The following SMARCD3 variants were observed in gnomAD, a reference collection of about 807,000 sequenced individuals.
The protein encoded by SMARCD3 is SWI/SNF related BAF chromatin remodeling complex subunit D3.
A neutral mutation model predicts 58.0 loss-of-function variants in SMARCD3; 14 were observed. The ratio of observed to expected loss-of-function variants is 0.24; its 90% CI spans 0.16 to 0.38. SMARCD3 has a LOEUF of 0.38. Among genes scored for constraint, SMARCD3 ranks in the 10% least tolerant of loss-of-function variants. The probability of loss-of-function intolerance (pLI) is 1.00; values close to 1 mark genes in which losing one functional copy is unlikely to be tolerated. For missense variants in SMARCD3, 408 were observed against 636.9 expected, an observed-to-expected ratio of 0.64 and a Z score of 3.87; for synonymous variants, 253 against 253.8, an observed-to-expected ratio of 1.00 and a Z score of 0.03.
At chr7:151,262,119 G>T (rs1332580903) in intron 2 of SMARCD3, among the ~76,000 whole-genome samples, 9 of 150,776 alleles carry the variant, frequency 6.0e-5, no homozygotes, top group African/African-American at 2.2e-4. Context: ...ACAGGGTTTT[G>T]CTCTGTCGTC....
chr7:151,270,786 G>T (rs1795152041), intron 2 of SMARCD3, among the ~76,000 whole-genome samples: 1 of 152,304 alleles, frequency 6.6e-6, no homozygotes, highest in East Asian at 1.9e-4. Context: ...TACTGTGCTG[G>T]GCCGGGGTCT....
Position 151,242,041 on chromosome 7 carries a change from C to G in SMARCD3, c.676-63G>C, listed in dbSNP as rs540732136. Reference sequence around the variant, plus strand: ...ATCTGGAGTGGTGGGGCCCAGGACTCTAGGGTGGTCCCTGACCCAAATCTG... The same window carrying G: ...ATCTGGAGTGGTGGGGCCCAGGACTGTAGGGTGGTCCCTGACCCAAATCTG... On this transcript the variant is annotated intron_variant, in intron 6 of 12. Coordinates refer to ENST00000262188, the MANE Select transcript of SMARCD3 (RefSeq NM_001003801.2). The surrounding 1 kb of genome is among the most constrained non-coding windows in gnomAD (Gnocchi z 4.7). 4 of 1,552,718 alleles carry G rather than the reference C, an allele frequency of 2.6e-6. No homozygotes were observed. The African/African-American group carries it at 5.4e-5, about 21-fold the overall frequency.
At chr7:151,259,393 C>CTGTGTGTG (rs758652327) in intron 2 of SMARCD3, among the ~76,000 whole-genome samples, 11,995 of 135,848 alleles carry the variant, frequency 0.088, 698 homozygotes, top group Non-Finnish European at 0.12. Context: ...AAGGTAGGGG[C>CTGTGTGTG]TGTGTGTGTG....
chr7:151,242,454 C>A lies in SMARCD3; in HGVS notation c.579+27G>T. 1 of 1,609,830 alleles carries A rather than the reference C, an allele frequency of 6.2e-7. No individual in the cohort carries two copies. The highest frequency in any genetic ancestry group is 8.5e-7 in the Non-Finnish European group (1 of 1,178,890). ...TGCAGCCCATGCCCACCCCAGGACA[C>A]CTGGAGAGACCTGGGCCGGGACGTA... On this transcript the variant is annotated intron_variant, in intron 5 of 12. Transcript: ENST00000262188. The surrounding 1 kb of genome is among the most constrained non-coding windows in gnomAD (Gnocchi z 4.7).
In SMARCD3 at chr7:151,245,827, G is replaced by A. The variant is rs1277272775; in HGVS notation, c.79-156C>T. Reference sequence around the variant, plus strand: ...GATGGGTGGGAGCGATGGGTAGGAGGGGCAGGGGCGCCGGAATCTGCGCGG... The same window carrying A: ...GATGGGTGGGAGCGATGGGTAGGAGAGGCAGGGGCGCCGGAATCTGCGCGG... On this transcript the variant is annotated intron_variant, in intron 1 of 12. Transcript: ENST00000262188. The surrounding 1 kb of genome is among the most constrained non-coding windows in gnomAD (Gnocchi z 6.2). Among the ~76,000 whole-genome samples the A allele has an allele frequency of 6.6e-6, 1 of 152,216 alleles. No homozygotes were observed. The highest frequency in any genetic ancestry group is 1.5e-5 in the Non-Finnish European group (1 of 68,022).
In SMARCD3 at chr7:151,245,686, G is replaced by A. The variant is rs940456405; in HGVS notation, c.79-15C>T. 2.4e-6 allele frequency: 2 copies of A among 827,756 alleles called. No individual in the cohort carries two copies. The highest frequency in any genetic ancestry group is 3.5e-5 in the African/African-American group (2 of 56,808). The allele number at this position is 827,756 out of a possible 1,614,324, so 51.3% of individuals were successfully genotyped here. The stretch of plus-strand genomic sequence containing the variant: ...ATCCCGGGGCGCTGGGGGTGGGCGG[G>A]GGTGAAGCAGAAACGGGCGCCCGTG... On this transcript the variant is annotated splice_polypyrimidine_tract_variant and intron_variant, in intron 1 of 12. Coordinates refer to ENST00000262188, the MANE Select transcript of SMARCD3 (RefSeq NM_001003801.2). The surrounding 1 kb of genome is among the most constrained non-coding windows in gnomAD (Gnocchi z 6.2).
chr7:151,240,241 G>A lies in SMARCD3; in HGVS notation c.1044C>T (p.Asp348=), dbSNP rs1188394477. The A allele has an allele frequency of 6.2e-7, 1 of 1,613,972 alleles. No individual in the cohort carries two copies. Among genetic ancestry groups the A allele is most frequent in the Non-Finnish European group, 8.5e-7 (1 of 1,179,948 alleles). ...ACGCCGTCTTCTTCTGGTCTGAAGG[G>A]TCCACGCTGCCAGGGAAGTCCAGCC... is the stretch of plus-strand genomic sequence containing the variant. ...PIVINHVISV[D]PSDQKKTACY... Residue 348 remains aspartate (D), a synonymous_variant, in exon 10 of 13, where the codon GAC becomes GAT. Transcript: ENST00000262188.
At chr7:151,252,282 G>A (rs1343597388), upstream of SMARCD3, among the ~76,000 whole-genome samples, 1 of 152,138 alleles carries the variant, frequency 6.6e-6, no homozygotes, top group Non-Finnish European at 1.5e-5. Flanking sequence ...AGGGAAGGGA[G>A]GAACAAAGGA....
chr7:151,248,571 G>A lies in SMARCD3; in HGVS notation c.-9C>T. On this transcript the variant is annotated 5_prime_UTR_variant, in exon 1 of 13. Coordinates refer to ENST00000262188, the MANE Select transcript of SMARCD3 (RefSeq NM_001003801.2). The surrounding 1 kb of genome is among the most constrained non-coding windows in gnomAD (Gnocchi z 6.1). ...ACTTCGTCCGCGGCCATCGGGGTGG[G>A]CTCAGCGGCTCCTCTCACTCTCTCT... is the stretch of plus-strand genomic sequence containing the variant. 5.6e-6 allele frequency: 9 copies of A among 1,613,562 alleles called. No homozygotes were observed. Among genetic ancestry groups the A allele is most frequent in the Non-Finnish European group, 7.6e-6 (9 of 1,179,688 alleles).
At chr7:151,268,895 C>A (rs922310824) in intron 2 of SMARCD3, among the ~76,000 whole-genome samples, 1 of 152,120 alleles carries the variant, frequency 6.6e-6, no homozygotes, top group African/African-American at 2.4e-5. Flanking sequence ...TGAACCACTG[C>A]GACTGGCCTA....
At position 151,239,068 on chromosome 7, in the gene SMARCD3, C is replaced by T. The variant is rs1171442814; in HGVS notation, c.*35G>A. On this transcript the variant is annotated 3_prime_UTR_variant, in exon 13 of 13. Coordinates refer to ENST00000262188, the MANE Select transcript of SMARCD3 (RefSeq NM_001003801.2). This position sits in a 1 kb window ranked among gnomAD's most constrained non-coding sequence, Gnocchi z 7.0. Reference sequence around the variant, plus strand: ...CAAAATGCTGGGGCCCGGGACACGGCTGAAAGTTCCGTCGTGCTGCTTATT... The same window carrying T: ...CAAAATGCTGGGGCCCGGGACACGGTTGAAAGTTCCGTCGTGCTGCTTATT... 8 of 1,610,984 alleles carry T rather than the reference C, an allele frequency of 5.0e-6. No homozygotes were observed. Among genetic ancestry groups the T allele is most frequent in the Non-Finnish European group, 6.8e-6 (8 of 1,177,180 alleles).
At chr7:151,258,110 C>A (rs1803763175) in intron 2 of SMARCD3, among the ~76,000 whole-genome samples, 1 of 152,132 alleles carries the variant, frequency 6.6e-6, no homozygotes, top group Non-Finnish European at 1.5e-5. Context: ...TCACACCCTA[C>A]ATCCACTCTG....
chr7:151,275,472 C>T (rs1038083503), intron 1 of SMARCD3, among the ~76,000 whole-genome samples: 4 of 152,108 alleles, frequency 2.6e-5, no homozygotes, highest in African/African-American at 9.7e-5. Context: ...AGACAGAGAC[C>T]GGCCCCAGGG....
chr7:151,261,651 C>T (rs930104658), intron 2 of SMARCD3, among the ~76,000 whole-genome samples: 1 of 152,222 alleles, frequency 6.6e-6, no homozygotes, highest in East Asian at 1.9e-4. Flanking sequence ...TGTCTCACAG[C>T]CTGGATTCCC....
chr7:151,240,553 C>T (rs1458759497), intron 8 of SMARCD3, 31 bp from the exon 9 acceptor site: 1 of 1,480,034 alleles, frequency 6.8e-7, no homozygotes, highest in Admixed American at 1.7e-5. Flanking sequence ...AGAGAGAGAT[C>T]ACTCTTCTTG....
chr7:151,265,302 A>T (rs1026086025), intron 2 of SMARCD3, among the ~76,000 whole-genome samples: 2 of 152,182 alleles, frequency 1.3e-5, no homozygotes, highest in Non-Finnish European at 1.5e-5. Context: ...AGAGATGATG[A>T]TGTAAAGAGA....
intron 2 of SMARCD3, among the ~76,000 whole-genome samples, chr7:151,263,249 A>C (rs1468462014): frequency 2.0e-5 from 3 of 152,068 alleles, no homozygotes; most frequent in African/African-American, 7.2e-5. Flanking sequence ...ACTCCTGCTA[A>C]ATGTTTTTTT....
intron 1 of SMARCD3, among the ~76,000 whole-genome samples, chr7:151,275,434 G>A (rs555574784): frequency 9.9e-5 from 15 of 152,274 alleles, no homozygotes; most frequent in Non-Finnish European, 2.1e-4. Flanking sequence ...AAGGCAGGGC[G>A]CAGGTGGGAG....
At chr7:151,270,781 T>C (rs1795151972) in intron 2 of SMARCD3, among the ~76,000 whole-genome samples, 1 of 152,158 alleles carries the variant, frequency 6.6e-6, no homozygotes. Flanking sequence ...CTCGTTACTG[T>C]GCTGGGCCGG....
Sources: gnomAD v4.1 joint callset for allele counts (sites outside exome capture counted in the v4.1 genomes callset) on GRCh38, gnomAD v4.1.1 for gene constraint, Gnocchi (gnomAD v3.1) non-coding constraint, MANE v1.5 for transcripts, NCBI Gene and HGNC (gene_info 2026-07-23, HGNC 2026-07-21) for gene names.